Variants in PLCB1 observed in about 807,000 individuals in gnomAD.
PLCB1 encodes 1-phosphatidylinositol 4,5-bisphosphate phosphodiesterase beta-1.
Under a neutral mutation model 161.8 loss-of-function variants are expected in PLCB1, and 46 were observed. The observed-to-expected ratio is 0.28, with a 90% CI of 0.22 to 0.36. The LOEUF (loss-of-function observed/expected upper bound fraction) is 0.36. PLCB1 is among the 10% of genes least tolerant of loss of function. PLCB1 has a pLI of 1.00. For synonymous variants in PLCB1, 517 were observed against 503.7 expected (o/e 1.03, Z -0.35); for missense variants, 1,016 against 1,472.5 (o/e 0.69, Z 5.07).
At chr20:8,831,963 TTTCTTTCTTTCTTTC>T (rs1379086717) in intron 31 of PLCB1, among the ~76,000 whole-genome samples, 2 of 99,020 alleles carry the variant, frequency 2.0e-5, no homozygotes, top group Admixed American at 2.3e-4. Flanking sequence ...TCTTTCTTTC[TTTCTTTCTTTCTTTC>T]TTTCCTTCTT....
At chr20:8,612,492 G>A (rs1987931837) in intron 3 of PLCB1, among the ~76,000 whole-genome samples, 1 of 152,142 alleles carries the variant, frequency 6.6e-6, no homozygotes, top group African/African-American at 2.4e-5. Flanking sequence ...TAAAATTCCA[G>A]AGGTTTCACC....
chr20:8,361,299 G>A (rs902632938), intron 2 of PLCB1, among the ~76,000 whole-genome samples: 11 of 152,048 alleles, frequency 7.2e-5, no homozygotes, highest in African/African-American at 2.7e-4. Flanking sequence ...GAATTCTGAT[G>A]CAGCTACTTT....
chr20:8,492,243 C>A (rs1982977391), intron 3 of PLCB1, among the ~76,000 whole-genome samples: 2 of 151,820 alleles, frequency 1.3e-5, no homozygotes, highest in Admixed American at 6.6e-5. Flanking sequence ...TTTCTGTTTA[C>A]TTACATAGAA....
intron 27 of PLCB1, among the ~76,000 whole-genome samples, chr20:8,786,269 CTTTGCACACTGGAATTTTACATCT>C (rs1305885989): frequency 6.6e-6 from 1 of 152,138 alleles, no homozygotes; most frequent in Non-Finnish European, 1.5e-5. Context: ...TGGCCAGAGT[CTTTGCACACTGGAATTTTACATCT>C]AGACAGCTTG....
chr20:8,687,914 G>A (rs1990395326), intron 10 of PLCB1, among the ~76,000 whole-genome samples: 1 of 152,176 alleles, frequency 6.6e-6, no homozygotes, highest in Non-Finnish European at 1.5e-5. Context: ...TCTCCACACT[G>A]TTTTCCATAG....
intron 3 of PLCB1, among the ~76,000 whole-genome samples, chr20:8,501,889 A>G (rs1328729252): frequency 3.4e-4 from 9 of 26,158 alleles, no homozygotes; most frequent in African/African-American, 1.1e-3. Context: ...ATATATATAT[A>G]TATATATATA....
At chr20:8,225,690 C>T (rs1419905273) in intron 2 of PLCB1, among the ~76,000 whole-genome samples, 1 of 152,180 alleles carries the variant, frequency 6.6e-6, no homozygotes, top group Non-Finnish European at 1.5e-5. Context: ...CTCAGCTCAT[C>T]TGAAGAAATT....
chr20:8,876,917 A>G (rs1438955705), intron 31 of PLCB1, among the ~76,000 whole-genome samples: 1 of 152,128 alleles, frequency 6.6e-6, no homozygotes, highest in Non-Finnish European at 1.5e-5. Flanking sequence ...TATACTTTTG[A>G]CACATTCTCC....
Position 8,793,951 on chromosome 20 carries a change from C to G in PLCB1, c.3423+3690C>G, listed in dbSNP as rs1983894817. Reference sequence around the variant, plus strand: ...AGACCCACCCGCAGGCGCACATTATCTTTCTCAGGGATGTTCCATGCTGAG... The same window carrying G: ...AGACCCACCCGCAGGCGCACATTATGTTTCTCAGGGATGTTCCATGCTGAG... On this transcript the variant is annotated intron_variant, in intron 31 of 31. Coordinates refer to ENST00000338037, the MANE Select transcript of PLCB1 (RefSeq NM_015192.4). Among the ~76,000 whole-genome samples the G allele has an allele frequency of 2.0e-5, 3 of 152,170 alleles. No homozygotes were observed. In the South Asian group the frequency reaches 6.2e-4, roughly 31 times the overall value.
At chr20:8,811,143 A>G (rs746687815) in intron 31 of PLCB1, among the ~76,000 whole-genome samples, 9 of 152,228 alleles carry the variant, frequency 5.9e-5, no homozygotes, top group Non-Finnish European at 1.0e-4. Flanking sequence ...TGAATGCTAC[A>G]GGAGAGTCTT....
intron 2 of PLCB1, among the ~76,000 whole-genome samples, chr20:8,349,329 T>C (rs1025953724): frequency 2.6e-5 from 4 of 152,234 alleles, no homozygotes; most frequent in African/African-American, 9.6e-5. Flanking sequence ...TATCTCAGTA[T>C]GACATATTTA....
chr20:8,215,528 C>T (rs1226523107), intron 2 of PLCB1, among the ~76,000 whole-genome samples: 2 of 152,000 alleles, frequency 1.3e-5, no homozygotes, highest in Non-Finnish European at 2.9e-5. Context: ...AAATAGCTGA[C>T]ATTTCGCAGC....
intron 3 of PLCB1, among the ~76,000 whole-genome samples, chr20:8,424,932 T>C (rs1979687742): frequency 6.6e-6 from 1 of 152,148 alleles, no homozygotes; most frequent in African/African-American, 2.4e-5. Flanking sequence ...CAGAATCTTC[T>C]TGGGTTCAAA....
chr20:8,207,607 A>C (rs7360979), intron 2 of PLCB1, among the ~76,000 whole-genome samples: 4,102 of 151,956 alleles, frequency 0.027, 207 homozygotes, highest in African/African-American at 0.093. Flanking sequence ...AAGACACGAG[A>C]TCTTGGTCTG....
chr20:8,292,459 A>G (rs1296478434), intron 2 of PLCB1, among the ~76,000 whole-genome samples: 1 of 152,166 alleles, frequency 6.6e-6, no homozygotes, highest in Admixed American at 6.6e-5. Context: ...TTTAGCAATG[A>G]CAAATTACAT....
At chr20:8,726,491 G>C (rs2123485977) in intron 16 of PLCB1, among the ~76,000 whole-genome samples, 1 of 152,182 alleles carries the variant, frequency 6.6e-6, no homozygotes, top group South Asian at 2.1e-4. Context: ...TGGCTGGGGA[G>C]ACCTCAGGAA....
chr20:8,197,314 C>G (rs565809989), intron 2 of PLCB1, among the ~76,000 whole-genome samples: 1 of 152,280 alleles, frequency 6.6e-6, no homozygotes, highest in East Asian at 1.9e-4. Context: ...CATATCCTCT[C>G]CAGCACCTGT....
At chr20:8,142,418 CTATT>C (rs1158226189) in intron 1 of PLCB1, among the ~76,000 whole-genome samples, 2 of 152,170 alleles carry the variant, frequency 1.3e-5, no homozygotes, top group African/African-American at 4.8e-5. Flanking sequence ...GAGAAGGAAA[CTATT>C]TATTGGCAAT....
chr20:8,661,391 T>C (rs1309756328), intron 9 of PLCB1, among the ~76,000 whole-genome samples: 1 of 152,102 alleles, frequency 6.6e-6, no homozygotes, highest in Admixed American at 6.6e-5. Context: ...GACAGAGGCT[T>C]TGGAGTCCAA....
Sources: allele counts gnomAD v4.1 joint callset (sites outside exome capture counted in the v4.1 genomes callset), GRCh38; gene constraint gnomAD v4.1.1; transcripts MANE v1.5; gene names NCBI Gene and HGNC (gene_info 2026-07-23, HGNC 2026-07-21).